MSRA: variants seen among roughly 807,000 people sequenced by gnomAD.
MSRA encodes the protein methionine sulfoxide reductase A.
MSRA carries 54 observed loss-of-function variants against 31.3 expected under a neutral mutation model. That is an observed-to-expected ratio of 1.73 (90% CI 1.39 to 2.17). The LOEUF (loss-of-function observed/expected upper bound fraction) is 2.17, where lower values mean the gene tolerates loss of function less well. MSRA is among the 30% of genes most tolerant of loss of function. The pLI is 0.00. For synonymous variants in MSRA, 169 were observed against 116.5 expected (o/e 1.45, Z -2.90); for missense variants, 507 against 300.9 (o/e 1.69, Z -5.07).
At chr8:10,253,168 T>G (rs1226597739) in intron 3 of MSRA, among the ~76,000 whole-genome samples, 1 of 152,198 alleles carries the variant, frequency 6.6e-6, no homozygotes, top group East Asian at 1.9e-4. Context: ...AAGAGGCATT[T>G]AGTGCCTTTC....
chr8:10,273,063 TAGTA>T (rs1799130590), intron 3 of MSRA, among the ~76,000 whole-genome samples: 1 of 152,198 alleles, frequency 6.6e-6, no homozygotes, highest in South Asian at 2.1e-4. Flanking sequence ...AAAATAAAGT[TAGTA>T]AGATAATTCT....
At chr8:10,238,687 T>A (rs77139255) in intron 2 of MSRA, among the ~76,000 whole-genome samples, 4,174 of 152,330 alleles carry the variant, frequency 0.027, 60 homozygotes, top group African/African-American at 0.042. Flanking sequence ...TAACAATTTA[T>A]TTGGGATTCT....
chr8:10,393,665 G>C (rs1322171207), intron 5 of MSRA, among the ~76,000 whole-genome samples: 1 of 152,218 alleles, frequency 6.6e-6, no homozygotes, highest in Non-Finnish European at 1.5e-5. Context: ...GGGCAATCAG[G>C]ACTGCCTAGC....
At chr8:10,122,035 T>C (rs1300173333) in intron 1 of MSRA, among the ~76,000 whole-genome samples, 1 of 152,064 alleles carries the variant, frequency 6.6e-6, no homozygotes, top group Non-Finnish European at 1.5e-5. Flanking sequence ...CGCATGCTTG[T>C]GGATCTACAA....
At chr8:10,273,543 A>C (rs953607217) in intron 3 of MSRA, among the ~76,000 whole-genome samples, 3 of 152,192 alleles carry the variant, frequency 2.0e-5, no homozygotes, top group Admixed American at 6.5e-5. Flanking sequence ...AGAGTCATGT[A>C]AGTTTTATAA....
chr8:10,414,888 C>G (rs756048123), intron 5 of MSRA, among the ~76,000 whole-genome samples: 1 of 152,138 alleles, frequency 6.6e-6, no homozygotes. Context: ...CCTCAGAGAT[C>G]TATACAAAGA....
At chr8:10,336,189 C>G (rs1248409945) in intron 5 of MSRA, among the ~76,000 whole-genome samples, 1 of 152,136 alleles carries the variant, frequency 6.6e-6, no homozygotes, top group African/African-American at 2.4e-5. Context: ...GTGGTTCCTT[C>G]TGCTGGCAGA....
intron 2 of MSRA, among the ~76,000 whole-genome samples, chr8:10,220,280 A>T (rs1810376770): frequency 6.6e-6 from 1 of 152,230 alleles, no homozygotes; most frequent in Admixed American, 6.5e-5. Flanking sequence ...TGGGAGCAAC[A>T]GTGGTGCCTG....
chr8:10,301,548 G>A lies in MSRA; in HGVS notation c.346G>A (p.Ala116Thr). 2 of 1,613,586 alleles carry A rather than the reference G, an allele frequency of 1.2e-6. No homozygotes were observed. Among genetic ancestry groups the A allele is most frequent in the Non-Finnish European group, 1.7e-6 (2 of 1,179,876 alleles). The change falls in exon 4 of 6, where the codon GCA becomes ACA. Residue 116 changes from alanine (A) to threonine (T), a missense_variant. Ala to Thr is a moderately conservative substitution (Grantham distance 58). Coordinates refer to ENST00000317173, the MANE Select transcript of MSRA (RefSeq NM_012331.5). ...TTTTTTCCAAGAAAAAACTGGCCAT[G>A]CAGAAGTCGTCCGAGTGGTGTACCA... ...KEVCSEKTGH[A>T]EVVRVVYQPE...
rs59106668 is a variant in MSRA at position 10,358,565 on chromosome 8, C to CT, written c.543+38621dup. Among the ~76,000 whole-genome samples the CT allele has an allele frequency of 1.7e-4, 11 of 64,004 alleles. 1 individual carries two copies. Among genetic ancestry groups the CT allele is most frequent in the Admixed American group, 2.3e-4 (1 of 4,284 alleles). 42.0% of individuals were successfully genotyped at this position (64,004 alleles called of 152,430 possible). ...GTCAGATCAGCGGCAGCATTAGATT[C>CT]TTTTTTTTTTTTTTTTTTTTTTTTT... On this transcript the variant is annotated intron_variant, in intron 5 of 5. Transcript: ENST00000317173.
In MSRA at chr8:10,281,577, A is replaced by T. The variant is rs1013330008; in HGVS notation, c.332-19957A>T. ...AAGTGCAGTGAACATAGGAGCCAGTACACCGCATATAACACAACTTAGAAA... is the reference window on the plus strand; with the variant it reads ...AAGTGCAGTGAACATAGGAGCCAGTTCACCGCATATAACACAACTTAGAAA... On this transcript the variant is annotated intron_variant, in intron 3 of 5. Transcript: ENST00000317173. Among the ~76,000 whole-genome samples the T allele has an allele frequency of 2.6e-5, 4 of 152,250 alleles. No individual in the cohort carries two copies. In the South Asian group the frequency reaches 8.3e-4, roughly 32 times the overall value.
intron 1 of MSRA, among the ~76,000 whole-genome samples, chr8:10,063,967 A>G (rs1278286300): frequency 2.0e-5 from 3 of 152,128 alleles, no homozygotes; most frequent in Non-Finnish European, 4.4e-5. Flanking sequence ...GGGCTGTTTC[A>G]GCTTAGATTG....
intron 3 of MSRA, among the ~76,000 whole-genome samples, chr8:10,249,676 A>G (rs552431823): frequency 7.0e-4 from 106 of 152,280 alleles, no homozygotes; most frequent in African/African-American, 2.4e-3. Context: ...GACACAGGGT[A>G]GCATCTCTCA....
Position 10,224,862 on chromosome 8 carries a change from C to T in MSRA, c.211+16961C>T, listed in dbSNP as rs576796819. ...CCTAGCCTTTTTTAAATGAACACTA[C>T]TACTAGGGCCGGGCGCAGTGGGCTC... On this transcript the variant is annotated intron_variant, in intron 2 of 5. Transcript: ENST00000317173. Among the ~76,000 whole-genome samples the T allele has an allele frequency of 8.5e-5, 13 of 152,278 alleles. No homozygotes were observed. The East Asian group carries it at 2.5e-3, about 29-fold the overall frequency.
Position 10,238,071 on chromosome 8 carries a change from C to G in MSRA, c.212-7033C>G, listed in dbSNP as rs78309672. Among the ~76,000 whole-genome samples, 51 of 152,350 alleles carry G rather than the reference C, an allele frequency of 3.3e-4. No homozygotes were observed. In the East Asian group the frequency reaches 8.7e-3, roughly 26 times the overall value. On this transcript the variant is annotated intron_variant, in intron 2 of 5. Transcript: ENST00000317173. ...ACCATCCCACAAGGTCCTACACTATCTGGCTTATCTGATCTTTGTCCTGCT... is the reference window on the plus strand; with the variant it reads ...ACCATCCCACAAGGTCCTACACTATGTGGCTTATCTGATCTTTGTCCTGCT...
At chr8:10,390,282 G>T (rs903325351) in intron 5 of MSRA, among the ~76,000 whole-genome samples, 2 of 152,220 alleles carry the variant, frequency 1.3e-5, no homozygotes, top group African/African-American at 4.8e-5. Flanking sequence ...TGGCCACATG[G>T]GCGTGGCCTT....
chr8:10,110,975 G>A (rs1046650507), intron 1 of MSRA, among the ~76,000 whole-genome samples: 1 of 152,148 alleles, frequency 6.6e-6, no homozygotes, highest in African/African-American at 2.4e-5. Flanking sequence ...GATGCAAAAA[G>A]GAAAGTCACA....
chr8:10,129,337 C>T (rs1040620702), intron 1 of MSRA, among the ~76,000 whole-genome samples: 18 of 152,096 alleles, frequency 1.2e-4, no homozygotes, highest in African/African-American at 3.6e-4. Context: ...GGCTCTCCTA[C>T]TTGGAAAATG....
intron 1 of MSRA, among the ~76,000 whole-genome samples, chr8:10,123,116 C>A (rs1252042665): frequency 2.0e-5 from 3 of 152,232 alleles, no homozygotes; most frequent in Non-Finnish European, 4.4e-5. Flanking sequence ...ACACTGCTTT[C>A]CGCAATGGTC....
Sources: allele counts gnomAD v4.1 joint callset (sites outside exome capture counted in the v4.1 genomes callset), GRCh38; gene constraint gnomAD v4.1.1; transcripts MANE v1.5; gene names NCBI Gene and HGNC (gene_info 2026-07-23, HGNC 2026-07-21).